TDRD3: variants seen among roughly 807,000 people sequenced by gnomAD.
TDRD3 encodes the protein tudor domain-containing protein 3.
A neutral mutation model predicts 86.7 loss-of-function variants in TDRD3; 45 were observed. That is an observed-to-expected ratio of 0.52 (90% CI 0.41 to 0.67). TDRD3 has a LOEUF of 0.67. Among genes scored for constraint, TDRD3 ranks in the 30% least tolerant of loss-of-function variants. The pLI is 0.00. For synonymous variants in TDRD3, 298 were observed against 301.7 expected (o/e 0.99, Z 0.13); for missense variants, 814 against 889.0 (o/e 0.92, Z 1.07).
intron 12 of TDRD3, among the ~76,000 whole-genome samples, chr13:60,559,494 C>A (rs561910348): frequency 1.3e-5 from 2 of 152,114 alleles, no homozygotes; most frequent in Non-Finnish European, 2.9e-5. Flanking sequence ...ATTATATATT[C>A]GTTCCTGTAC....
chr13:60,422,283 C>T (rs1366600374), intron 1 of TDRD3, among the ~76,000 whole-genome samples: 3 of 152,012 alleles, frequency 2.0e-5, no homozygotes, highest in Non-Finnish European at 4.4e-5. Flanking sequence ...CATAATATGC[C>T]CCCTAATGAA....
chr13:60,493,006 C>A (rs1458352663), intron 7 of TDRD3, among the ~76,000 whole-genome samples: 1 of 149,584 alleles, frequency 6.7e-6, no homozygotes, highest in Non-Finnish European at 1.5e-5. Flanking sequence ...GCAAGCTCCG[C>A]CTCCCAGGTT....
intron 10 of TDRD3, among the ~76,000 whole-genome samples, chr13:60,526,656 G>T (rs1957443493): frequency 6.7e-6 from 1 of 150,040 alleles, no homozygotes; most frequent in South Asian, 2.1e-4. Context: ...TATGGCCTTG[G>T]CTAATATTTG....
intron 8 of TDRD3, among the ~76,000 whole-genome samples, chr13:60,506,346 A>AT (rs370456678): frequency 6.6e-6 from 1 of 152,206 alleles, no homozygotes; most frequent in African/African-American, 2.4e-5. Flanking sequence ...ATGCTGAGAG[A>AT]TTTTATCACC....
chr13:60,511,648 C>G (rs559366952), intron 10 of TDRD3, among the ~76,000 whole-genome samples: 2 of 152,282 alleles, frequency 1.3e-5, no homozygotes, highest in Admixed American at 6.5e-5. Flanking sequence ...GTCTCAGATG[C>G]TGATGTTAAG....
At chr13:60,488,338 G>A (rs778689868) in intron 7 of TDRD3, among the ~76,000 whole-genome samples, 2 of 152,166 alleles carry the variant, frequency 1.3e-5, no homozygotes, top group African/African-American at 2.4e-5. Context: ...AAAGGCCTGA[G>A]TGTCATTTCC....
chr13:60,451,972 G>C (rs1018196373), intron 3 of TDRD3, among the ~76,000 whole-genome samples: 3 of 152,124 alleles, frequency 2.0e-5, no homozygotes, highest in African/African-American at 7.2e-5. Context: ...GATATTACCA[G>C]TGAAATGCTG....
Position 60,504,808 on chromosome 13 carries a change from G to A in TDRD3, c.859-4955G>A, listed in dbSNP as rs556896884. Among the ~76,000 whole-genome samples, 10 of 152,288 alleles carry A rather than the reference G, an allele frequency of 6.6e-5. No individual in the cohort carries two copies. In the South Asian group the frequency reaches 1.9e-3, roughly 28 times the overall value. On this transcript the variant is annotated intron_variant, in intron 8 of 13. Coordinates refer to ENST00000377881, the MANE Select transcript of TDRD3 (RefSeq NM_001146070.2). Reference sequence around the variant, plus strand: ...GGAGGGCGAGCAGAAGCAGAGTGGGGCGTTGCCTCACCTGGGAAGCACAAG... The same window carrying A: ...GGAGGGCGAGCAGAAGCAGAGTGGGACGTTGCCTCACCTGGGAAGCACAAG...
chr13:60,419,816 A>T (rs1954611760), intron 1 of TDRD3, among the ~76,000 whole-genome samples: 1 of 152,246 alleles, frequency 6.6e-6, no homozygotes, highest in East Asian at 1.9e-4. Flanking sequence ...AAAAGAATAG[A>T]TGGATGAAAG....
At position 60,510,731 on chromosome 13, in the gene TDRD3, A is replaced by G; in HGVS notation, c.1117A>G (p.Lys373Glu). 6.3e-7 allele frequency: 1 copy of G among 1,588,448 alleles called. No homozygotes were observed. The highest frequency in any genetic ancestry group is 8.6e-7 in the Non-Finnish European group (1 of 1,168,536). The change falls in exon 10 of 14, where the codon AAA becomes GAA. Residue 373 changes from lysine to glutamate, a missense_variant. Coordinates refer to ENST00000377881, the MANE Select transcript of TDRD3 (RefSeq NM_001146070.2). ...PSTLFDFLES[K>E]MGTLNVEEPK... is the part of the protein sequence containing the mutation. ...CACATTATTTGATTTCTTGGAATCT[A>G]AAATGGGAACTTTGAATGTGGAAGG...
At chr13:60,405,036 C>A (rs1954201198) in intron 1 of TDRD3, among the ~76,000 whole-genome samples, 1 of 152,216 alleles carries the variant, frequency 6.6e-6, no homozygotes, top group South Asian at 2.1e-4. Flanking sequence ...TTGCCATCTG[C>A]CATGATTGTG....
rs764080495 is a variant in TDRD3 at position 60,397,364 on chromosome 13, C to T, written c.-1C>T. ...CACCACCCCCGGCCTAAGCAGCTAC[C>T]ATGGCCCAGGTGGCCGGCGCGGCGT... On this transcript the variant is annotated 5_prime_UTR_variant, in exon 1 of 14. Coordinates refer to ENST00000377881, the MANE Select transcript of TDRD3 (RefSeq NM_001146070.2). 3 of 1,491,134 alleles carry T rather than the reference C, an allele frequency of 2.0e-6. No homozygotes were observed. In the South Asian group the frequency reaches 3.8e-5, roughly 19 times the overall value. The allele number at this position is 1,491,134 out of a possible 1,614,324, so 92.4% of individuals were successfully genotyped here. A position where few individuals can be genotyped will look rare whatever the true frequency, so the allele number is the denominator to read the frequency against.
chr13:60,552,419 G>A (rs1595108654), intron 12 of TDRD3, among the ~76,000 whole-genome samples: 1 of 152,344 alleles, frequency 6.6e-6, no homozygotes, highest in Non-Finnish European at 1.5e-5. Context: ...GGCTCCTAAG[G>A]CCTTGAGCAG....
chr13:60,567,483 G>T (rs967944509), intron 12 of TDRD3, 42 bp from the exon 13 acceptor site: 38 of 1,613,294 alleles, frequency 2.4e-5, no homozygotes, highest in Non-Finnish European at 3.1e-5. Context: ...AAGAAACTTG[G>T]AGCCATTTTG....
At chr13:60,402,047 G>A (rs1327436350) in intron 1 of TDRD3, among the ~76,000 whole-genome samples, 1 of 152,224 alleles carries the variant, frequency 6.6e-6, no homozygotes, top group African/African-American at 2.4e-5. Flanking sequence ...CTACAAAGAT[G>A]TGGAACAACT....
At chr13:60,445,295 C>T (rs1955373676) in intron 3 of TDRD3, among the ~76,000 whole-genome samples, 1 of 152,150 alleles carries the variant, frequency 6.6e-6, no homozygotes, top group African/African-American at 2.4e-5. Flanking sequence ...AAGTTAAAGT[C>T]CATGTCTTCT....
At chr13:60,482,189 A>C (rs1956331825) in intron 5 of TDRD3, among the ~76,000 whole-genome samples, 1 of 152,118 alleles carries the variant, frequency 6.6e-6, no homozygotes, top group African/African-American at 2.4e-5. Context: ...TTATTATGAC[A>C]GGTTCTTCTT....
At position 60,510,671 on chromosome 13, in the gene TDRD3, G is replaced by T; in HGVS notation, c.1057G>T (p.Glu353Ter). The T allele has an allele frequency of 6.2e-7, 1 of 1,605,142 alleles. No homozygotes were observed. The highest frequency in any genetic ancestry group is 8.5e-7 in the Non-Finnish European group (1 of 1,175,772). ...GGGGCGAATAAGATCTGAAGATGAA[G>T]AGGACCTGGGAAATGCAAGGCCATC... ...GRGRIRSEDE[E>*]DLGNARPSAP... The change falls in exon 10 of 14, where the codon GAG becomes TAG. Residue 353 changes from glutamate (E) to a stop codon, truncating the protein, a stop_gained. Transcript: ENST00000377881. LOFTEE classifies it high-confidence loss of function.
At chr13:60,429,923 A>G (rs1954911728) in intron 1 of TDRD3, among the ~76,000 whole-genome samples, 1 of 152,196 alleles carries the variant, frequency 6.6e-6, no homozygotes, top group South Asian at 2.1e-4. Context: ...CACCATGTTT[A>G]AGAAGGAAGA....
Sources: gnomAD v4.1 joint callset for allele counts (sites outside exome capture counted in the v4.1 genomes callset) on GRCh38, gnomAD v4.1.1 for gene constraint, MANE v1.5 for transcripts, NCBI Gene and HGNC (gene_info 2026-07-23, HGNC 2026-07-21) for gene names.